TRIM59: variants seen among roughly 807,000 people sequenced by gnomAD.
TRIM59 encodes tripartite motif containing 59.
In TRIM59, 14 loss-of-function variants were observed where a neutral mutation model predicts 32.2. The observed-to-expected ratio is 0.43, with a 90% confidence interval of 0.29 to 0.68. The LOEUF (loss-of-function observed/expected upper bound fraction) is 0.68. TRIM59 is among the 30% of genes least tolerant of loss of function. TRIM59 has a pLI of 0.15. For synonymous variants in TRIM59, 163 were observed against 155.1 expected (o/e 1.05, Z -0.38); for missense variants, 471 against 463.3 (o/e 1.02, Z -0.15).
intron 2 of TRIM59, among the ~76,000 whole-genome samples, chr3:160,443,015 G>C (rs564314735): frequency 2.0e-5 from 3 of 152,126 alleles, no homozygotes; most frequent in African/African-American, 7.2e-5. Flanking sequence ...GCTACGCGGG[G>C]AGCTGAGGCA....
At chr3:160,446,899 A>G (rs1408632227) in intron 2 of TRIM59, among the ~76,000 whole-genome samples, 1 of 151,958 alleles carries the variant, frequency 6.6e-6, no homozygotes, top group Non-Finnish European at 1.5e-5. Context: ...TTATCCCAAA[A>G]CCATGCACCA....
chr3:160,443,004 A>C (rs773171982), intron 2 of TRIM59, among the ~76,000 whole-genome samples: 1 of 152,194 alleles, frequency 6.6e-6, no homozygotes, highest in Non-Finnish European at 1.5e-5. Flanking sequence ...CTATAATCCC[A>C]GCTACGCGGG....
Position 160,437,620 on chromosome 3 carries a change from T to C in TRIM59, c.*352A>G. The C allele has an allele frequency of 1.0e-6, 1 of 991,344 alleles. No individual in the cohort carries two copies. Among genetic ancestry groups the C allele is most frequent in the Non-Finnish European group, 1.2e-6 (1 of 833,618 alleles). The allele number at this position is 991,344 out of a possible 1,614,324, so 61.4% of individuals were successfully genotyped here. A position where few individuals can be genotyped will look rare whatever the true frequency, so the allele number is the denominator to read the frequency against. On this transcript the variant is annotated 3_prime_UTR_variant, in exon 3 of 3. Coordinates refer to ENST00000309784, the MANE Select transcript of TRIM59 (RefSeq NM_173084.3). Reference sequence around the variant, plus strand: ...TGTTCTTTCAGGATTTTGCTATATATATAAAGAACTGTAAAGCCAATTAAC... The same window carrying C: ...TGTTCTTTCAGGATTTTGCTATATACATAAAGAACTGTAAAGCCAATTAAC...
intron 2 of TRIM59, among the ~76,000 whole-genome samples, chr3:160,448,222 C>A (rs1357476238): frequency 6.6e-6 from 1 of 152,142 alleles, no homozygotes; most frequent in African/African-American, 2.4e-5. Flanking sequence ...ATTGCTTTTG[C>A]TGTACTTTTC....
At position 160,437,703 on chromosome 3, in the gene TRIM59, GCAA is replaced by G; in HGVS notation, c.*266_*268del. On this transcript the variant is annotated 3_prime_UTR_variant, in exon 3 of 3. Coordinates refer to ENST00000309784, the MANE Select transcript of TRIM59 (RefSeq NM_173084.3). ...GGTACAAGAATGTTTAAATGTCACA[GCAA>G]CATTATGTCAACCATCATAAAGCCA... 9.1e-7 allele frequency: 1 copy of G among 1,092,972 alleles called. No homozygotes were observed. Among genetic ancestry groups the G allele is most frequent in the Non-Finnish European group, 1.1e-6 (1 of 901,048 alleles). The allele number at this position is 1,092,972 out of a possible 1,614,324, so 67.7% of individuals were successfully genotyped here.
chr3:160,442,754 G>A lies in TRIM59; in HGVS notation c.-3-3568C>T, dbSNP rs190767276. On this transcript the variant is annotated intron_variant, in intron 2 of 2. Transcript: ENST00000309784. The stretch of plus-strand genomic sequence containing the variant: ...CTAATTTTAGGCAACAAATTCAAGA[G>A]AAACTAGAACTGAAAAATAACTTTG... Among the ~76,000 whole-genome samples the A allele has an allele frequency of 4.6e-5, 7 of 152,268 alleles. No homozygotes were observed. The East Asian group carries it at 1.2e-3, about 25-fold the overall frequency.
intron 2 of TRIM59, among the ~76,000 whole-genome samples, chr3:160,439,540 A>ATGTT (rs1719132769): frequency 6.6e-6 from 1 of 152,040 alleles, no homozygotes; most frequent in Non-Finnish European, 1.5e-5. Flanking sequence ...TAATTCCCAC[A>ATGTT]TGTTGTGGGA....
chr3:160,449,497 CCTCACAGGA>C (rs1719708338), intron 1 of TRIM59: 2 of 1,207,610 alleles, frequency 1.7e-6, no homozygotes, highest in Admixed American at 5.9e-5. Context: ...GGGCCTCCTC[CCTCACAGGA>C]ACGCAGCTCC....
At position 160,437,587 on chromosome 3, in the gene TRIM59, A is replaced by G; in HGVS notation, c.*385T>C. On this transcript the variant is annotated 3_prime_UTR_variant, in exon 3 of 3. Coordinates refer to ENST00000309784, the MANE Select transcript of TRIM59 (RefSeq NM_173084.3). The stretch of plus-strand genomic sequence containing the variant: ...AAAAGCTTCAAGCCACATCAAAATA[A>G]AGGTATATGTTCTTTCAGGATTTTG... The G allele has an allele frequency of 1.0e-6, 1 of 987,852 alleles. No individual in the cohort carries two copies. The highest frequency in any genetic ancestry group is 1.2e-6 in the Non-Finnish European group (1 of 831,682). The allele number at this position is 987,852 out of a possible 1,614,324, so 61.2% of individuals were successfully genotyped here. A position where few individuals can be genotyped will look rare whatever the true frequency, so the allele number is the denominator to read the frequency against.
In TRIM59 at chr3:160,436,507, T is replaced by G; in HGVS notation, c.*1465A>C. On this transcript the variant is annotated 3_prime_UTR_variant, in exon 3 of 3. Coordinates refer to ENST00000309784, the MANE Select transcript of TRIM59 (RefSeq NM_173084.3). ...CTCTTAAGCAAAGCTAATAAAAGATTAAGTTGTTGGGCCGGGCGTGGCGGC... is the reference window on the plus strand; with the variant it reads ...CTCTTAAGCAAAGCTAATAAAAGATGAAGTTGTTGGGCCGGGCGTGGCGGC... 2.0e-6 allele frequency: 2 copies of G among 985,736 alleles called. No individual in the cohort carries two copies. Among genetic ancestry groups the G allele is most frequent in the Non-Finnish European group, 1.2e-6 (1 of 829,976 alleles). 61.1% of individuals were successfully genotyped at this position (985,736 alleles called of 1,614,324 possible). A position where few individuals can be genotyped will look rare whatever the true frequency, so the allele number is the denominator to read the frequency against.
In TRIM59 at chr3:160,438,758, C is replaced by CT. The variant is rs753084050; in HGVS notation, c.425dup (p.Asp143GlyfsTer8). 3.7e-6 allele frequency: 6 copies of CT among 1,613,864 alleles called. No individual in the cohort carries two copies. In the East Asian group the frequency reaches 1.3e-4, roughly 36 times the overall value. On this transcript the variant is annotated frameshift_variant, in exon 3 of 3. Coordinates refer to ENST00000309784, the MANE Select transcript of TRIM59 (RefSeq NM_173084.3). LOFTEE classifies it high-confidence loss of function. ...GTTCAAGCAGTTTTTGAGGAGTGTC[C>CT]TTTTCTTTCAAATAGGCACTTTGAA...
At chr3:160,442,586 G>A (rs1343405401) in intron 2 of TRIM59, among the ~76,000 whole-genome samples, 1 of 151,588 alleles carries the variant, frequency 6.6e-6, no homozygotes, top group African/African-American at 2.4e-5. Context: ...AGCAAAAATC[G>A]TGGTTGGTCT....
At chr3:160,447,751 T>C (rs145994182) in intron 2 of TRIM59, 2 of 152,356 alleles carry the variant, frequency 1.3e-5, no homozygotes, top group East Asian at 3.9e-4. Flanking sequence ...TTCGATGACT[T>C]GTCCCAAGAC....
intron 2 of TRIM59, 85 bp from the exon 3 acceptor site, chr3:160,439,271 T>C: frequency 9.0e-7 from 1 of 1,109,382 alleles, no homozygotes; most frequent in Non-Finnish European, 1.2e-6. Context: ...CTCCAAATTG[T>C]TACCATACTG....
Position 160,437,192 on chromosome 3 carries a change from AAAC to A in TRIM59, c.*777_*779del. 5 of 655,656 alleles carry A rather than the reference AAAC, an allele frequency of 7.6e-6. No individual in the cohort carries two copies. The highest frequency in any genetic ancestry group is 9.5e-6 in the Non-Finnish European group (5 of 528,882). The allele number at this position is 655,656 out of a possible 1,614,324, so 40.6% of individuals were successfully genotyped here. On this transcript the variant is annotated 3_prime_UTR_variant, in exon 3 of 3. Coordinates refer to ENST00000309784, the MANE Select transcript of TRIM59 (RefSeq NM_173084.3). The stretch of plus-strand genomic sequence containing the variant: ...TATGGCAAAACCTCGTTTCTACAAA[AAAC>A]AATTTTTTTAATTAGCCAGGCATGG...
At chr3:160,439,766 T>C (rs564672103) in intron 2 of TRIM59, among the ~76,000 whole-genome samples, 2 of 152,340 alleles carry the variant, frequency 1.3e-5, no homozygotes, top group East Asian at 1.9e-4. Context: ...AACCTCTTTT[T>C]CCTTATAAAT....
In TRIM59 at chr3:160,437,293, G is replaced by T; in HGVS notation, c.*679C>A. On this transcript the variant is annotated 3_prime_UTR_variant, in exon 3 of 3. Coordinates refer to ENST00000309784, the MANE Select transcript of TRIM59 (RefSeq NM_173084.3). ...CGATTGAGCCTGGGTGGTCGAAACTGCAGTGAGTCATGACCAGACAACTAC... is the reference window on the plus strand; with the variant it reads ...CGATTGAGCCTGGGTGGTCGAAACTTCAGTGAGTCATGACCAGACAACTAC... 1 of 851,144 alleles carries T rather than the reference G, an allele frequency of 1.2e-6. No homozygotes were observed. Among genetic ancestry groups the T allele is most frequent in the Non-Finnish European group, 1.4e-6 (1 of 707,744 alleles). The allele number at this position is 851,144 out of a possible 1,614,324, so 52.7% of individuals were successfully genotyped here.
At position 160,437,739 on chromosome 3, in the gene TRIM59, TG is replaced by T; in HGVS notation, c.*232del. ...TCAACCATCATAAAGCCAATAAAAATGGGATAGTGTATTACTTTTCAAATTG... is the reference window on the plus strand; with the variant it reads ...TCAACCATCATAAAGCCAATAAAAATGGATAGTGTATTACTTTTCAAATTG... On this transcript the variant is annotated 3_prime_UTR_variant, in exon 3 of 3. Transcript: ENST00000309784. 8.6e-7 allele frequency: 1 copy of T among 1,164,316 alleles called. No individual in the cohort carries two copies. Among genetic ancestry groups the T allele is most frequent in the Non-Finnish European group, 1.1e-6 (1 of 946,494 alleles). The allele number at this position is 1,164,316 out of a possible 1,614,324, so 72.1% of individuals were successfully genotyped here.
chr3:160,444,618 G>T (rs1300851153), intron 2 of TRIM59, among the ~76,000 whole-genome samples: 2 of 152,216 alleles, frequency 1.3e-5, no homozygotes, highest in Non-Finnish European at 2.9e-5. Context: ...CCATGTGACT[G>T]TTCTGACCAA....
Sources: gnomAD v4.1 joint callset for allele counts (sites outside exome capture counted in the v4.1 genomes callset) on GRCh38, gnomAD v4.1.1 for gene constraint, MANE v1.5 for transcripts, NCBI Gene and HGNC (gene_info 2026-07-23, HGNC 2026-07-21) for gene names.